Variants in CMIP observed in about 807,000 individuals in gnomAD.
The protein encoded by CMIP is C-Maf-inducing protein.
In CMIP, 13 loss-of-function variants were observed where a neutral mutation model predicts 97.3. That is an observed-to-expected ratio of 0.13 (90% CI 0.09 to 0.21). CMIP has a LOEUF of 0.21. CMIP is among the 10% of genes least tolerant of loss of function. CMIP has a pLI of 1.00. For synonymous variants in CMIP, 538 were observed against 436.3 expected, an observed-to-expected ratio of 1.23 and a Z score of -2.91; for missense variants, 847 against 1,024.9, an observed-to-expected ratio of 0.83 and a Z score of 2.37.
intron 1 of CMIP, among the ~76,000 whole-genome samples, chr16:81,486,948 G>T (rs183852864): frequency 6.6e-6 from 1 of 152,278 alleles, no homozygotes; most frequent in Non-Finnish European, 1.5e-5. Context: ...GTTCAAAGGC[G>T]CACGGCAGGC....
In CMIP at chr16:81,616,794, A is replaced by T. The variant is rs1035255398; in HGVS notation, c.427-4082A>T. ...GGCTGAGAAGAGACTGATGTGTAGC[A>T]GTGTCTGTGGTCAGTGGCTCTGAAG... is the stretch of plus-strand genomic sequence containing the variant. On this transcript the variant is annotated intron_variant, in intron 2 of 20. Transcript: ENST00000537098. The surrounding 1 kb of genome is among the most constrained non-coding windows in gnomAD (Gnocchi z 4.7). Among the ~76,000 whole-genome samples the T allele has an allele frequency of 3.3e-5, 5 of 152,230 alleles. No homozygotes were observed. Among genetic ancestry groups the T allele is most frequent in the African/African-American group, 1.2e-4 (5 of 41,474 alleles).
intron 9 of CMIP, among the ~76,000 whole-genome samples, chr16:81,672,426 T>C (rs909721705): frequency 2.0e-5 from 3 of 152,194 alleles, no homozygotes; most frequent in Non-Finnish European, 4.4e-5. Context: ...ATGTGTGCAC[T>C]GTACACATAC....
Position 81,457,310 on chromosome 16 carries a change from C to G in CMIP, c.300+11769C>G, listed in dbSNP as rs547768885. Among the ~76,000 whole-genome samples the G allele has an allele frequency of 4.6e-5, 7 of 152,180 alleles. No homozygotes were observed. The South Asian group carries it at 1.5e-3, about 32-fold the overall frequency. On this transcript the variant is annotated intron_variant, in intron 1 of 20. Transcript: ENST00000537098. ...CTTGCCTTCTCCACTCCACATTTAC[C>G]TCCCCTCTCTTGTAAAAGCAAAACT...
At chr16:81,503,558 G>A (rs1373900163) in intron 1 of CMIP, among the ~76,000 whole-genome samples, 1 of 152,040 alleles carries the variant, frequency 6.6e-6, no homozygotes, top group African/African-American at 2.4e-5. Flanking sequence ...CACTGCACCT[G>A]GCTAATTTTT....
rs954116693 is a variant in CMIP, at chr16:81,616,768, G to T, written c.427-4108G>T. ...CCAGATGGCTCTGCCTGGAAGGATGGGGCTGAGAAGAGACTGATGTGTAGC... is the reference window on the plus strand; with the variant it reads ...CCAGATGGCTCTGCCTGGAAGGATGTGGCTGAGAAGAGACTGATGTGTAGC... On this transcript the variant is annotated intron_variant, in intron 2 of 20. Transcript: ENST00000537098. The surrounding 1 kb of genome is among the most constrained non-coding windows in gnomAD (Gnocchi z 4.7). 6.6e-6 allele frequency among the ~76,000 whole-genome samples: 1 copy of T among 152,234 alleles called. No individual in the cohort carries two copies. The highest frequency in any genetic ancestry group is 1.9e-4 in the East Asian group (1 of 5,192).
chr16:81,539,666 C>A (rs988041365), intron 1 of CMIP, among the ~76,000 whole-genome samples: 7 of 152,188 alleles, frequency 4.6e-5, no homozygotes, highest in African/African-American at 1.7e-4. Flanking sequence ...TCAGCTGGAG[C>A]CTCCTCCCTA....
intron 20 of CMIP, among the ~76,000 whole-genome samples, chr16:81,709,127 TCA>T (rs745803088): frequency 2.6e-5 from 4 of 152,138 alleles, no homozygotes; most frequent in Non-Finnish European, 5.9e-5. Context: ...GCAGGTGGAA[TCA>T]CAGAGTCGAG....
At chr16:81,590,627 G>T (rs1168290582) in intron 1 of CMIP, among the ~76,000 whole-genome samples, 5 of 152,304 alleles carry the variant, frequency 3.3e-5, no homozygotes, top group South Asian at 2.1e-4. Context: ...TGCTTCCATA[G>T]AACTTAGGGA....
chr16:81,538,309 C>T (rs1424615263), intron 1 of CMIP, among the ~76,000 whole-genome samples: 1 of 152,198 alleles, frequency 6.6e-6, no homozygotes, highest in Non-Finnish European at 1.5e-5. Context: ...CGGCCCCCGG[C>T]GGTGGCTCCT....
chr16:81,699,628 G>A (rs561676240), intron 14 of CMIP, 57 bp from the exon 15 acceptor site: 10 of 1,147,100 alleles, frequency 8.7e-6, no homozygotes, highest in African/African-American at 3.1e-5. Context: ...CTGCCAGCAC[G>A]CTGGAGGCTG....
intron 1 of CMIP, among the ~76,000 whole-genome samples, chr16:81,526,643 C>G (rs2090139388): frequency 6.6e-6 from 1 of 152,154 alleles, no homozygotes; most frequent in African/African-American, 2.4e-5. Flanking sequence ...TTATTTTATA[C>G]TTTTAAGAAG....
At chr16:81,571,616 GAAA>G (rs2091090724) in intron 1 of CMIP, among the ~76,000 whole-genome samples, 3 of 140,594 alleles carry the variant, frequency 2.1e-5, no homozygotes, top group Admixed American at 7.1e-5. Flanking sequence ...AAAAAATTAA[GAAA>G]AGAAAAGAAA....
At chr16:81,496,048 A>G (rs749814540) in intron 1 of CMIP, among the ~76,000 whole-genome samples, 4 of 152,060 alleles carry the variant, frequency 2.6e-5, no homozygotes, top group Non-Finnish European at 5.9e-5. Flanking sequence ...TGAGCCAGGG[A>G]CCGAGGGTGG....
At chr16:81,512,717 G>A (rs535971937) in intron 1 of CMIP, among the ~76,000 whole-genome samples, 1 of 151,370 alleles carries the variant, frequency 6.6e-6, no homozygotes, top group Non-Finnish European at 1.5e-5. Context: ...AAATTAATTG[G>A]CCACAAAATA....
At chr16:81,536,221 G>A (rs1232196477) in intron 1 of CMIP, among the ~76,000 whole-genome samples, 8 of 152,172 alleles carry the variant, frequency 5.3e-5, no homozygotes, top group Non-Finnish European at 8.8e-5. Flanking sequence ...CTTCCAGCTT[G>A]CTGAGGGTGA....
At chr16:81,584,253 TG>T (rs1221986077) in intron 1 of CMIP, among the ~76,000 whole-genome samples, 7 of 152,154 alleles carry the variant, frequency 4.6e-5, no homozygotes, top group Non-Finnish European at 5.9e-5. Flanking sequence ...GAAAACTCCT[TG>T]GAGGCAAGGA....
intron 1 of CMIP, among the ~76,000 whole-genome samples, chr16:81,450,567 TTCATG>T (rs1184753090): frequency 6.6e-6 from 1 of 152,176 alleles, no homozygotes; most frequent in African/African-American, 2.4e-5. Flanking sequence ...CTGAAAGAGC[TTCATG>T]ACTTTCTGCA....
intron 1 of CMIP, chr16:81,476,564 G>A: frequency 1.8e-6 from 1 of 560,318 alleles, no homozygotes; most frequent in African/African-American, 1.9e-5. Context: ...TCTGCAGAGT[G>A]GCCATGTTTC....
At chr16:81,645,021 G>A (rs2092348052) in intron 3 of CMIP, among the ~76,000 whole-genome samples, 1 of 152,230 alleles carries the variant, frequency 6.6e-6, no homozygotes, top group Admixed American at 6.5e-5. Flanking sequence ...GGAGCATTCT[G>A]CGATGATGAA....
Sources: allele counts gnomAD v4.1 joint callset (sites outside exome capture counted in the v4.1 genomes callset), GRCh38; gene constraint gnomAD v4.1.1; non-coding constraint Gnocchi (gnomAD v3.1); transcripts MANE v1.5; gene names NCBI Gene and HGNC (gene_info 2026-07-23, HGNC 2026-07-21).